ACSS3: variants seen among roughly 807,000 people sequenced by gnomAD.
ACSS3 encodes acyl-CoA synthetase short-chain family member 3, mitochondrial.
In ACSS3, 64 loss-of-function variants were observed where a neutral mutation model predicts 84.2. The ratio of observed to expected loss-of-function variants is 0.76; its 90% CI spans 0.62 to 0.94. The LOEUF is 0.94. Ranked by LOEUF, ACSS3 falls within the 40% of genes least tolerant of loss-of-function variation. The pLI, the probability that ACSS3 is intolerant of heterozygous loss-of-function variation, is 0.00. For missense variants in ACSS3, 815 were observed against 867.6 expected, an observed-to-expected ratio of 0.94 and a Z score of 0.76; for synonymous variants, 317 against 310.1, an observed-to-expected ratio of 1.02 and a Z score of -0.23.
rs1046480300 is a variant in ACSS3, at chr12:81,098,997, T to G, written c.312-10563T>G. ...TTTCCCCTTCCTTCACAGTCTCTGG[T>G]CCAATCAATAGAAAATTATTATGAA... On this transcript the variant is annotated intron_variant, in intron 1 of 15. Transcript: ENST00000548058. Among the ~76,000 whole-genome samples the G allele has an allele frequency of 2.1e-4, 32 of 152,206 alleles. 1 individual carries two copies. Among genetic ancestry groups the G allele is most frequent in the Non-Finnish European group, 3.8e-4 (26 of 68,028 alleles).
At chr12:81,108,264 A>AATT (rs1555245678) in intron 1 of ACSS3, among the ~76,000 whole-genome samples, 1,847 of 142,300 alleles carry the variant, frequency 0.013, 46 homozygotes, top group African/African-American at 0.044. Context: ...TATTATTATT[A>AATT]ATTATTATTA....
rs1463661326 is a variant in ACSS3, at chr12:81,078,210, C to A, written c.90C>A (p.Ala30=). ...PLPGSSPARG[A]GAALRALVVP... The stretch of plus-strand genomic sequence containing the variant: ...CTGGGTCCTCTCCGGCCCGGGGAGC[C>A]GGTGCGGCCCTCAGGGCTTTAGTGG... The change falls in exon 1 of 16, where the codon GCC becomes GCA. Residue 30 remains alanine, a synonymous_variant. Transcript: ENST00000548058. 1.3e-6 allele frequency: 2 copies of A among 1,571,944 alleles called. No homozygotes were observed. Among genetic ancestry groups the A allele is most frequent in the South Asian group, 1.1e-5 (1 of 88,102 alleles).
At chr12:81,172,594 C>G (rs1299435043) in intron 7 of ACSS3, among the ~76,000 whole-genome samples, 2 of 152,070 alleles carry the variant, frequency 1.3e-5, no homozygotes, top group African/African-American at 2.4e-5. Flanking sequence ...CAAGATTGCA[C>G]CACTGCACTC....
chr12:81,169,310 A>G (rs1887547621), intron 7 of ACSS3, among the ~76,000 whole-genome samples: 1 of 152,216 alleles, frequency 6.6e-6, no homozygotes, highest in Non-Finnish European at 1.5e-5. Flanking sequence ...AGCGTCTGCC[A>G]TAACACAAAG....
intron 2 of ACSS3, among the ~76,000 whole-genome samples, chr12:81,113,256 CT>C (rs1369495338): frequency 6.6e-6 from 1 of 152,044 alleles, no homozygotes; most frequent in Admixed American, 6.6e-5. Context: ...TAAATAGAGT[CT>C]AGGGAGATTT....
chr12:81,140,054 T>G (rs1886018154), intron 4 of ACSS3, among the ~76,000 whole-genome samples: 1 of 152,222 alleles, frequency 6.6e-6, no homozygotes, highest in Non-Finnish European at 1.5e-5. Flanking sequence ...AAAGTGCCAG[T>G]GTCAAGATGC....
chr12:81,182,160 A>C (rs1000262564), intron 8 of ACSS3, among the ~76,000 whole-genome samples: 1 of 152,224 alleles, frequency 6.6e-6, no homozygotes, highest in East Asian at 1.9e-4. Flanking sequence ...AGAGAAAAGC[A>C]TCAAATTACA....
At chr12:81,235,879 T>C (rs1260966383) in intron 13 of ACSS3, among the ~76,000 whole-genome samples, 2 of 151,450 alleles carry the variant, frequency 1.3e-5, no homozygotes, top group African/African-American at 2.4e-5. Context: ...GGTAGACTTG[T>C]TGAGACTTTC....
intron 8 of ACSS3, among the ~76,000 whole-genome samples, chr12:81,177,695 CA>C: frequency 6.6e-6 from 1 of 152,064 alleles, no homozygotes; most frequent in Non-Finnish European, 1.5e-5. Flanking sequence ...TTTATGCAGC[CA>C]AAAAACACAT....
At chr12:81,217,224 G>C (rs1207141208) in intron 10 of ACSS3, among the ~76,000 whole-genome samples, 1 of 152,008 alleles carries the variant, frequency 6.6e-6, no homozygotes, top group East Asian at 1.9e-4. Context: ...TCATTAATAA[G>C]GTATGTTAGG....
chr12:81,099,194 A>C (rs919440720), intron 1 of ACSS3, among the ~76,000 whole-genome samples: 10 of 152,048 alleles, frequency 6.6e-5, no homozygotes, highest in Admixed American at 4.6e-4. Context: ...AATTGTTTCC[A>C]ATATGTTGGC....
intron 13 of ACSS3, among the ~76,000 whole-genome samples, chr12:81,245,175 G>A (rs948905708): frequency 1.3e-5 from 2 of 152,106 alleles, no homozygotes; most frequent in African/African-American, 4.8e-5. Context: ...CTTAAAATAG[G>A]ATGAGGGCTG....
intron 9 of ACSS3, among the ~76,000 whole-genome samples, chr12:81,212,214 T>A (rs1479850162): frequency 2.6e-5 from 4 of 152,318 alleles, no homozygotes; most frequent in Admixed American, 2.6e-4. Flanking sequence ...GTTCATTATC[T>A]CCCCAGTTAG....
At chr12:81,138,301 G>C (rs923752842) in intron 3 of ACSS3, among the ~76,000 whole-genome samples, 3 of 152,160 alleles carry the variant, frequency 2.0e-5, no homozygotes, top group African/African-American at 7.2e-5. Context: ...GCCAAGCACT[G>C]TGCTAGGTAT....
chr12:81,139,359 C>A, intron 4 of ACSS3, 94 bp downstream of exon 4: 1 of 1,388,390 alleles, frequency 7.2e-7, no homozygotes, highest in Non-Finnish European at 1.0e-6. Flanking sequence ...GATTTATAAG[C>A]TATTAAGTAT....
intron 8 of ACSS3, among the ~76,000 whole-genome samples, chr12:81,186,350 T>A (rs1470942884): frequency 6.6e-6 from 1 of 151,454 alleles, no homozygotes; most frequent in Non-Finnish European, 1.5e-5. Context: ...AAAGCAAAAA[T>A]GAATAAATGG....
chr12:81,080,946 A>C (rs181165886), intron 1 of ACSS3, among the ~76,000 whole-genome samples: 5 of 152,316 alleles, frequency 3.3e-5, no homozygotes, highest in Non-Finnish European at 7.3e-5. Flanking sequence ...GATCTGGAGA[A>C]GGGAGATATT....
chr12:81,254,340 T>C (rs1401615936), intron 15 of ACSS3, among the ~76,000 whole-genome samples: 2 of 152,118 alleles, frequency 1.3e-5, no homozygotes, highest in East Asian at 3.9e-4. Flanking sequence ...TAATGGCAAT[T>C]AGTGAATGAG....
chr12:81,182,628 C>T (rs1346701312), intron 8 of ACSS3, among the ~76,000 whole-genome samples: 2 of 152,224 alleles, frequency 1.3e-5, no homozygotes, highest in Non-Finnish European at 2.9e-5. Flanking sequence ...GCATAAAAAT[C>T]TAGAGATTTT....
Sources: gnomAD v4.1 joint callset for allele counts (sites outside exome capture counted in the v4.1 genomes callset) on GRCh38, gnomAD v4.1.1 for gene constraint, MANE v1.5 for transcripts, NCBI Gene and HGNC (gene_info 2026-07-23, HGNC 2026-07-21) for gene names.